Variants in NISCH observed in about 807,000 individuals in gnomAD.
NISCH encodes nischarin.
A neutral mutation model predicts 138.4 loss-of-function variants in NISCH; 55 were observed. That is an observed-to-expected ratio of 0.40 (90% CI 0.32 to 0.50). The LOEUF is 0.50. Among genes scored for constraint, NISCH ranks in the 20% least tolerant of loss-of-function variants. The pLI is 0.71. For synonymous variants in NISCH, 860 were observed against 861.5 expected, an observed-to-expected ratio of 1.00 and a Z score of 0.03; for missense variants, 1,643 against 2,005.5, an observed-to-expected ratio of 0.82 and a Z score of 3.45.
intron 19 of NISCH, among the ~76,000 whole-genome samples, chr3:52,491,112 C>T (rs1453720088): frequency 6.6e-6 from 1 of 152,266 alleles, no homozygotes; most frequent in Non-Finnish European, 1.5e-5. Context: ...CTCACATTTC[C>T]TGAGGAGAGA....
At position 52,476,565 on chromosome 3, in the gene NISCH, G is replaced by A; in HGVS notation, c.884G>A (p.Ser295Asn). 2 of 1,614,186 alleles carry A rather than the reference G, an allele frequency of 1.2e-6. No individual in the cohort carries two copies. The highest frequency in any genetic ancestry group is 1.1e-5 in the South Asian group (1 of 91,088). Residue 295 changes from serine to asparagine, a missense_variant, in exon 8 of 21, where the codon AGC (serine) becomes AAC (asparagine). Ser to Asn is a conservative substitution (Grantham distance 46). Transcript: ENST00000345716. ...TWQALTTLDL[S>N]HNSVSEIDES... The stretch of plus-strand genomic sequence containing the variant: ...CAGGCATTGACCACGCTTGACCTGA[G>A]CCACAACAGCGTCTCCGAGATCGAC...
chr3:52,489,643 G>A lies in NISCH; in HGVS notation c.3421G>A (p.Ala1141Thr), dbSNP rs746799481. ...GCACGTCGCCAGCCTGCGGGGCAGCGCCATCATCGAGCTCTTCCACAGCAG... is the reference window on the plus strand; with the variant it reads ...GCACGTCGCCAGCCTGCGGGGCAGCACCATCATCGAGCTCTTCCACAGCAG... ...LRHVASLRGS[A>T]IIELFHSSIA... The change falls in exon 17 of 21, where the codon GCC (alanine) becomes ACC (threonine). Residue 1141 changes from alanine (A) to threonine (T), a missense_variant. By Grantham distance (58) the Ala-to-Thr change is moderately conservative. Transcript: ENST00000345716. 10 of 1,612,630 alleles carry A rather than the reference G, an allele frequency of 6.2e-6. No individual in the cohort carries two copies. Among genetic ancestry groups the A allele is most frequent in the Admixed American group, 1.7e-5 (1 of 59,990 alleles).
At chr3:52,478,393 G>A (rs1285510272) in intron 10 of NISCH, 56 bp from the exon 11 acceptor site, 17 of 1,610,302 alleles carry the variant, frequency 1.1e-5, no homozygotes, top group South Asian at 3.3e-5. Flanking sequence ...ACGTGTTGGC[G>A]TGTTGCTGAA....
chr3:52,476,573 A>G lies in NISCH; in HGVS notation c.892A>G (p.Ser298Gly). The change falls in exon 8 of 21, where the codon AGC becomes GGC. Residue 298 changes from serine to glycine, a missense_variant. Coordinates refer to ENST00000345716, the MANE Select transcript of NISCH (RefSeq NM_007184.4). Reference sequence around the variant, plus strand: ...GACCACGCTTGACCTGAGCCACAACAGCGTCTCCGAGATCGACGAGTCTGT... The same window carrying G: ...GACCACGCTTGACCTGAGCCACAACGGCGTCTCCGAGATCGACGAGTCTGT... ...ALTTLDLSHN[S>G]VSEIDESVKL... 6.2e-7 allele frequency: 1 copy of G among 1,614,168 alleles called. No homozygotes were observed. The highest frequency in any genetic ancestry group is 8.5e-7 in the Non-Finnish European group (1 of 1,180,022).
chr3:52,464,517 C>CTTGTTTTT (rs1706726174), intron 3 of NISCH, among the ~76,000 whole-genome samples: 1 of 75,808 alleles, frequency 1.3e-5, no homozygotes, highest in Non-Finnish European at 2.3e-5. Context: ...TGTGAGTTGT[C>CTTGTTTTT]TTTTTTTTTT....
rs994495081 is a variant in NISCH, at chr3:52,481,380, G to A, written c.1528+1085G>A. 10 of 988,388 alleles carry A rather than the reference G, an allele frequency of 1.0e-5. No individual in the cohort carries two copies. The East Asian group carries it at 8.9e-4, about 88-fold the overall frequency. 61.2% of individuals were successfully genotyped at this position (988,388 alleles called of 1,614,324 possible). A position where few individuals can be genotyped will look rare whatever the true frequency, so the allele number is the denominator to read the frequency against. ...GTGAGATGTGGAAGAGAATTCCTGA[G>A]CGTGGAGCGATGGGGTTAGGTGCCA... On this transcript the variant is annotated intron_variant, in intron 13 of 20. Coordinates refer to ENST00000345716, the MANE Select transcript of NISCH (RefSeq NM_007184.4).
At chr3:52,481,044 G>A (rs1262846027) in intron 13 of NISCH, 2 of 1,364,912 alleles carry the variant, frequency 1.5e-6, no homozygotes, top group Non-Finnish European at 9.4e-7. Flanking sequence ...CTTGGTGTGA[G>A]GTCTTGGGAA....
In NISCH at chr3:52,479,730, C is replaced by T. The variant is rs1362904855; in HGVS notation, c.1303-19C>T. ...CATCACCAGTCCCCATGCTGATAGC[C>T]ACTTTCTGGATGCTCTAGGTCTGTC... On this transcript the variant is annotated intron_variant, in intron 11 of 20. Transcript: ENST00000345716. The T allele has an allele frequency of 3.2e-6, 5 of 1,584,220 alleles. No homozygotes were observed. In the South Asian group the frequency reaches 4.5e-5, roughly 14 times the overall value.
At chr3:52,482,277 C>T (rs6800707) in intron 13 of NISCH, among the ~76,000 whole-genome samples, 3 of 152,060 alleles carry the variant, frequency 2.0e-5, no homozygotes, top group African/African-American at 7.3e-5. Context: ...AGAAGGGAGC[C>T]TGCTTGCGAA....
chr3:52,458,800 G>T lies in NISCH; in HGVS notation c.316G>T (p.Val106Leu), dbSNP rs755940776. The T allele has an allele frequency of 1.2e-6, 2 of 1,612,324 alleles. No homozygotes were observed. The highest frequency in any genetic ancestry group is 3.3e-5 in the Admixed American group (2 of 59,872). ...LQKLLAAFPG[V>L]TPRVLAHFLH... ...GAAGCTCCTGGCTGCCTTCCCTGGC[G>T]TGACCCCCAGAGTACTGGCCCACTT... is the stretch of plus-strand genomic sequence containing the variant. The change falls in exon 3 of 21, where the codon GTG (valine) becomes TTG (leucine). Residue 106 changes from valine to leucine, a missense_variant. Val to Leu is a conservative substitution (Grantham distance 32). Transcript: ENST00000345716.
In NISCH at chr3:52,489,604, TGC is replaced by T; in HGVS notation, c.3383_3384del (p.Cys1128SerfsTer24). On this transcript the variant is annotated frameshift_variant, in exon 17 of 21. Coordinates refer to ENST00000345716, the MANE Select transcript of NISCH (RefSeq NM_007184.4). LOFTEE classifies it high-confidence loss of function. ...ENQIPSHLPA[C>X]PSLRHVASLR... ...TCAGATCCCCTCGCACTTGCCTGCC[TGC>T]CCGTCGCTCCGGCACGTCGCCAGCC... 6.2e-7 allele frequency: 1 copy of T among 1,613,114 alleles called. No individual in the cohort carries two copies. Among genetic ancestry groups the T allele is most frequent in the Non-Finnish European group, 8.5e-7 (1 of 1,179,970 alleles).
chr3:52,480,111 C>T, intron 12 of NISCH, 73 bp from the exon 13 acceptor site: 1 of 1,562,580 alleles, frequency 6.4e-7, no homozygotes, highest in South Asian at 1.1e-5. Flanking sequence ...TGCGCTCCCT[C>T]CTCACACCCC....
At chr3:52,464,290 C>G (rs941343980) in intron 3 of NISCH, among the ~76,000 whole-genome samples, 1 of 151,352 alleles carries the variant, frequency 6.6e-6, no homozygotes, top group Non-Finnish European at 1.5e-5. Context: ...CTCAGCTCCT[C>G]GGGAGGCTGA....
rs1013646079 is a variant in NISCH at position 52,487,130 on chromosome 3, TGTGGCAG to T, written c.1704-61_1704-55del. 25 of 1,536,622 alleles carry T rather than the reference TGTGGCAG, an allele frequency of 1.6e-5. No individual in the cohort carries two copies. Among genetic ancestry groups the T allele is most frequent in the East Asian group, 1.1e-4 (5 of 44,222 alleles). Reference sequence around the variant, plus strand: ...TCAGGGTGTAGCAGTGGGCTCCAGATGTGGCAGGTGGGAGGTGGGAGGGGCCCCTCCC... The same window carrying T: ...TCAGGGTGTAGCAGTGGGCTCCAGATGTGGGAGGTGGGAGGGGCCCCTCCC... On this transcript the variant is annotated intron_variant, in intron 15 of 20. Coordinates refer to ENST00000345716, the MANE Select transcript of NISCH (RefSeq NM_007184.4). This position sits in a 1 kb window ranked among gnomAD's most constrained non-coding sequence, Gnocchi z 9.1.
At chr3:52,473,675 T>TG in intron 6 of NISCH, 59 bp from the exon 7 acceptor site, 2 of 1,261,854 alleles carry the variant, frequency 1.6e-6, no homozygotes, top group Non-Finnish European at 2.3e-6. Flanking sequence ...CACCTGCATC[T>TG]GGGGACTTCT....
rs139206974 is a variant in NISCH at position 52,492,100 on chromosome 3, C to T, written c.4133C>T (p.Ser1378Phe). 2 of 1,613,034 alleles carry T rather than the reference C, an allele frequency of 1.2e-6. No individual in the cohort carries two copies. The highest frequency in any genetic ancestry group is 8.5e-7 in the Non-Finnish European group (1 of 1,180,046). ...CCCAAGACACTCCTGCTCACCAGCT[C>T]CGAGATCTTCCTCCTGGATGAGGAC... Reference protein sequence around the residue: ...LRPKTLLLTSSEIFLLDEDCV... With the variant: ...LRPKTLLLTSFEIFLLDEDCV... Residue 1378 changes from serine (S) to phenylalanine (F), a missense_variant, in exon 21 of 21, where the codon TCC becomes TTC. Coordinates refer to ENST00000345716, the MANE Select transcript of NISCH (RefSeq NM_007184.4).
rs774582260 is a variant in NISCH at position 52,478,105 on chromosome 3, T to C, written c.996T>C (p.Tyr332=). Reference sequence around the variant, plus strand: ...TCTCCACGCCGCTGCAGCACCTGTATAACCTTGTGCATCTGGACCTGTCCT... The same window carrying C: ...TCTCCACGCCGCTGCAGCACCTGTACAACCTTGTGCATCTGGACCTGTCCT... ...LLVVDNLQHL[Y]NLVHLDLSYN... is the part of the protein sequence containing the mutation. The change falls in exon 10 of 21, where the codon TAT becomes TAC. Residue 332 remains tyrosine (Y), a synonymous_variant. Transcript: ENST00000345716. The C allele has an allele frequency of 6.2e-7, 1 of 1,613,866 alleles. No homozygotes were observed. The highest frequency in any genetic ancestry group is 1.1e-5 in the South Asian group (1 of 91,078).
chr3:52,489,881 C>G, intron 17 of NISCH, 194 bp from the exon 18 acceptor site: 1 of 1,160,638 alleles, frequency 8.6e-7, no homozygotes, highest in East Asian at 2.6e-5. Context: ...ACCTCCTGTG[C>G]CACTTCCAGC....
chr3:52,470,117 G>T (rs1035003), intron 3 of NISCH, among the ~76,000 whole-genome samples: 145,815 of 151,558 alleles, frequency 0.96, 70,194 homozygotes, highest in African/African-American at 0.99. Flanking sequence ...AGCAGTTATC[G>T]CTTTTCCTCT....
Sources: allele counts gnomAD v4.1 joint callset (sites outside exome capture counted in the v4.1 genomes callset), GRCh38; gene constraint gnomAD v4.1.1; non-coding constraint Gnocchi (gnomAD v3.1); transcripts MANE v1.5; gene names NCBI Gene and HGNC (gene_info 2026-07-23, HGNC 2026-07-21).